AUTS2: variants seen among roughly 807,000 people sequenced by gnomAD.
The protein encoded by AUTS2 is activator of transcription and developmental regulator AUTS2.
A neutral mutation model predicts 112.4 loss-of-function variants in AUTS2; 17 were observed. That is an observed-to-expected ratio of 0.15 (90% confidence interval 0.10 to 0.23). The LOEUF is 0.23. Among genes scored for constraint, AUTS2 ranks in the 10% least tolerant of loss-of-function variants. The pLI, the probability that AUTS2 is intolerant of heterozygous loss-of-function variation, is 1.00. For missense variants in AUTS2, 1,510 were observed against 1,701.6 expected, an observed-to-expected ratio of 0.89 and a Z score of 1.98; for synonymous variants, 751 against 702.7, an observed-to-expected ratio of 1.07 and a Z score of -1.09.
chr7:70,246,942 G>A (rs1317892080), intron 4 of AUTS2, among the ~76,000 whole-genome samples: 1 of 151,336 alleles, frequency 6.6e-6, no homozygotes, highest in Admixed American at 6.6e-5. Flanking sequence ...TTTGTTCCCA[G>A]GTACTTGATT....
intron 1 of AUTS2, among the ~76,000 whole-genome samples, chr7:69,604,717 G>A (rs1792618264): frequency 1.3e-5 from 2 of 152,356 alleles, no homozygotes; most frequent in South Asian, 4.1e-4. Flanking sequence ...GAGTACAAAG[G>A]TGGTAAGTAA....
At chr7:70,502,575 AT>A (rs897014038) in intron 5 of AUTS2, among the ~76,000 whole-genome samples, 17 of 152,252 alleles carry the variant, frequency 1.1e-4, no homozygotes, top group African/African-American at 3.8e-4. Context: ...TCTCAAGAAT[AT>A]TTTGTGTCCC....
intron 4 of AUTS2, among the ~76,000 whole-genome samples, chr7:70,319,539 C>T (rs957970787): frequency 6.6e-6 from 1 of 152,160 alleles, no homozygotes; most frequent in Non-Finnish European, 1.5e-5. Context: ...TAATGGCAGT[C>T]AGGAAAACCT....
intron 4 of AUTS2, among the ~76,000 whole-genome samples, chr7:70,416,128 T>C (rs1794978263): frequency 6.6e-6 from 1 of 152,204 alleles, no homozygotes; most frequent in South Asian, 2.1e-4. Context: ...TCAGATTTTC[T>C]CTTAGATGCT....
intron 2 of AUTS2, among the ~76,000 whole-genome samples, chr7:69,923,220 G>A (rs1469550428): frequency 1.3e-5 from 2 of 152,102 alleles, no homozygotes; most frequent in African/African-American, 4.8e-5. Context: ...TTTTCTGAAG[G>A]CATTTTTGAA....
intron 6 of AUTS2, among the ~76,000 whole-genome samples, chr7:70,743,326 G>A (rs1378443740): frequency 6.6e-6 from 1 of 151,882 alleles, no homozygotes; most frequent in African/African-American, 2.4e-5. Flanking sequence ...AAAATTAGCC[G>A]GGCGTGGTGA....
chr7:69,651,520 A>G (rs998490765), intron 1 of AUTS2, among the ~76,000 whole-genome samples: 1 of 151,862 alleles, frequency 6.6e-6, no homozygotes, highest in African/African-American at 2.4e-5. Context: ...GGGGTGAGAA[A>G]TAGACCCGCC....
intron 2 of AUTS2, among the ~76,000 whole-genome samples, chr7:69,945,371 G>T (rs1406792097): frequency 6.6e-6 from 1 of 152,100 alleles, no homozygotes; most frequent in Non-Finnish European, 1.5e-5. Context: ...TGTGTTTTAT[G>T]ACTGCCTTCA....
intron 2 of AUTS2, among the ~76,000 whole-genome samples, chr7:69,947,832 T>C (rs1293839837): frequency 6.6e-6 from 1 of 152,302 alleles, no homozygotes; most frequent in Admixed American, 6.5e-5. Context: ...GATTATCTCA[T>C]TGATCTAAGG....
chr7:70,628,340 AG>A (rs1213812989), intron 5 of AUTS2, among the ~76,000 whole-genome samples: 43 of 5,006 alleles, frequency 8.6e-3, no homozygotes, highest in Admixed American at 0.062. Flanking sequence ...ATATATATAT[AG>A]TATATATATA....
intron 1 of AUTS2, among the ~76,000 whole-genome samples, chr7:69,783,504 G>C (rs886924104): frequency 9.2e-5 from 14 of 151,948 alleles, no homozygotes; most frequent in Middle Eastern, 3.4e-3. Context: ...TGATTTTTGC[G>C]GCATCTTTCC....
chr7:70,656,219 T>C (rs1212696185), intron 5 of AUTS2, among the ~76,000 whole-genome samples: 1 of 152,136 alleles, frequency 6.6e-6, no homozygotes, highest in Non-Finnish European at 1.5e-5. Flanking sequence ...TAAAATCATA[T>C]AATGTCTGCA....
chr7:70,220,492 G>A (rs570400882), intron 4 of AUTS2, among the ~76,000 whole-genome samples: 1 of 152,316 alleles, frequency 6.6e-6, no homozygotes, highest in East Asian at 1.9e-4. Context: ...AGGAACCATA[G>A]ATGGGACAGA....
chr7:70,517,102 C>T (rs1397653834), intron 5 of AUTS2, among the ~76,000 whole-genome samples: 1 of 152,326 alleles, frequency 6.6e-6, no homozygotes, highest in East Asian at 1.9e-4. Context: ...AGGACTTATG[C>T]AGCATATCAC....
At chr7:69,844,755 T>C (rs1401885093) in intron 1 of AUTS2, among the ~76,000 whole-genome samples, 2 of 152,142 alleles carry the variant, frequency 1.3e-5, no homozygotes, top group African/African-American at 4.8e-5. Flanking sequence ...TTGAATTCCT[T>C]TAGTTTTATC....
intron 4 of AUTS2, among the ~76,000 whole-genome samples, chr7:70,257,485 T>G (rs1033604413): frequency 6.6e-6 from 1 of 152,086 alleles, no homozygotes; most frequent in Non-Finnish European, 1.5e-5. Flanking sequence ...GCCGAGCTAA[T>G]TTTTGTATTT....
chr7:70,384,378 C>T (rs147065718), intron 4 of AUTS2, among the ~76,000 whole-genome samples: 67 of 152,352 alleles, frequency 4.4e-4, no homozygotes, highest in African/African-American at 1.6e-3. Context: ...GTTCAAAGGG[C>T]TGCAACCAGC....
chr7:70,198,222 A>G lies in AUTS2; in HGVS notation c.660+63651A>G, dbSNP rs1810294153. 3.3e-5 allele frequency among the ~76,000 whole-genome samples: 5 copies of G among 151,300 alleles called. No individual in the cohort carries two copies. In the South Asian group the frequency reaches 1.0e-3, roughly 32 times the overall value. Reference sequence around the variant, plus strand: ...ACCATCATCAAAGACCAAAATAGATAAAACCACAAAGATGGGGAAAAAACA... The same window carrying G: ...ACCATCATCAAAGACCAAAATAGATGAAACCACAAAGATGGGGAAAAAACA... On this transcript the variant is annotated intron_variant, in intron 4 of 18. Coordinates refer to ENST00000342771, the MANE Select transcript of AUTS2 (RefSeq NM_015570.4).
intron 2 of AUTS2, among the ~76,000 whole-genome samples, chr7:70,114,773 C>T (rs1376992757): frequency 2.0e-5 from 3 of 151,774 alleles, no homozygotes; most frequent in Non-Finnish European, 4.4e-5. Context: ...TGCACTCCAG[C>T]CTGGGCAACA....
Sources: allele counts gnomAD v4.1 joint callset (sites outside exome capture counted in the v4.1 genomes callset), GRCh38; gene constraint gnomAD v4.1.1; transcripts MANE v1.5; gene names NCBI Gene and HGNC (gene_info 2026-07-23, HGNC 2026-07-21).